Variants in TENM3 observed in about 807,000 individuals in gnomAD.
TENM3 encodes the protein teneurin-3.
In TENM3, 63 loss-of-function variants were observed where a neutral mutation model predicts 255.1. The observed-to-expected ratio is 0.25, with a 90% CI of 0.20 to 0.30. The LOEUF is 0.30. Among genes scored for constraint, TENM3 ranks in the 10% least tolerant of loss-of-function variants. The probability of loss-of-function intolerance (pLI) is 1.00; values close to 1 mark genes in which losing one functional copy is unlikely to be tolerated. For missense variants in TENM3, 2,929 were observed against 3,461.1 expected (o/e 0.85, Z 3.86); for synonymous variants, 1,306 against 1,322.3 (o/e 0.99, Z 0.27).
In TENM3 at chr4:182,680,653, G is replaced by C. The variant is rs1756097399; in HGVS notation, c.1750G>C (p.Asp584His). ...TGATGTGCCGACTACCCAGTGTATTGACCCACAGTGTGGGGGTCGTGGGAT... is the reference window on the plus strand; with the variant it reads ...TGATGTGCCGACTACCCAGTGTATTCACCCACAGTGTGGGGGTCGTGGGAT... ...ECDVPTTQCI[D>H]PQCGGRGICI... Residue 584 changes from aspartate (D) to histidine (H), a missense_variant, in exon 10 of 28, where the codon GAC (aspartate) becomes CAC (histidine). By Grantham distance (81) the Asp-to-His change is moderately conservative. Coordinates refer to ENST00000511685, the MANE Select transcript of TENM3 (RefSeq NM_001080477.4). 1 of 1,612,086 alleles carries C rather than the reference G, an allele frequency of 6.2e-7. No individual in the cohort carries two copies. Among genetic ancestry groups the C allele is most frequent in the Non-Finnish European group, 8.5e-7 (1 of 1,179,436 alleles).
At chr4:181,904,477 T>A in the TENM3 span, among the ~76,000 whole-genome samples, 1 of 152,212 alleles carries the variant, frequency 6.6e-6, no homozygotes, top group African/African-American at 2.4e-5. Flanking sequence ...AACTAGTATA[T>A]GCCCATACTA....
At chr4:182,356,764 T>C (rs1765569879) in intron 3 of TENM3, among the ~76,000 whole-genome samples, 1 of 151,922 alleles carries the variant, frequency 6.6e-6, no homozygotes, top group African/African-American at 2.4e-5. Flanking sequence ...ATGTGCACAA[T>C]GTGCAGGTTA....
the TENM3 span, among the ~76,000 whole-genome samples, chr4:181,935,616 C>G: frequency 6.6e-6 from 1 of 152,116 alleles, no homozygotes; most frequent in African/African-American, 2.4e-5. Context: ...CAAGAGGTGA[C>G]CTCTCTCTAT....
rs1457989215 is a variant in TENM3 at position 182,590,555 on chromosome 4, A to G, written c.512-10369A>G. ...CCCTGTCTCAAAAAAAAAAAAAAAA[A>G]AAAAAAGAAAAAGAAAAAGGTGGGC... On this transcript the variant is annotated intron_variant, in intron 3 of 27. Coordinates refer to ENST00000511685, the MANE Select transcript of TENM3 (RefSeq NM_001080477.4). Among the ~76,000 whole-genome samples, 127 of 149,320 alleles carry G rather than the reference A, an allele frequency of 8.5e-4. 2 individuals are homozygous for G. The East Asian group carries it at 0.021, about 25-fold the overall frequency.
the TENM3 span, among the ~76,000 whole-genome samples, chr4:181,591,176 T>C: frequency 1.1e-4 from 16 of 152,194 alleles, no homozygotes; most frequent in African/African-American, 3.6e-4. Context: ...CTACAATGCT[T>C]CCTCTATTCA....
chr4:181,474,439 T>C, the TENM3 span, among the ~76,000 whole-genome samples: 1 of 152,114 alleles, frequency 6.6e-6, no homozygotes, highest in Non-Finnish European at 1.5e-5. Context: ...ACTCCAGATA[T>C]GTAAAGAAAG....
At chr4:182,170,345 C>G (rs1752018628) in intron 1 of TENM3, among the ~76,000 whole-genome samples, 1 of 152,066 alleles carries the variant, frequency 6.6e-6, no homozygotes, top group South Asian at 2.1e-4. Context: ...ATGCATTTAG[C>G]TATTGTCTAA....
the TENM3 span, among the ~76,000 whole-genome samples, chr4:181,714,177 T>G: frequency 2.7e-4 from 41 of 152,294 alleles, no homozygotes; most frequent in South Asian, 7.7e-3. Flanking sequence ...GGCTCATGCC[T>G]ATAATCCAAA....
chr4:181,510,617 C>G, the TENM3 span, among the ~76,000 whole-genome samples: 1 of 152,150 alleles, frequency 6.6e-6, no homozygotes. Flanking sequence ...CAGACATCCT[C>G]ATAAACACAA....
chr4:181,672,326 ATTTG>A, the TENM3 span, among the ~76,000 whole-genome samples: 1 of 152,192 alleles, frequency 6.6e-6, no homozygotes, highest in Non-Finnish European at 1.5e-5. Flanking sequence ...TATTTGCTTT[ATTTG>A]TTATTTCTAT....
intron 3 of TENM3, among the ~76,000 whole-genome samples, chr4:182,589,726 A>G (rs2152384236): frequency 6.6e-6 from 1 of 152,188 alleles, no homozygotes. Flanking sequence ...TAATCCCAGC[A>G]CTTTGGGAGG....
chr4:182,615,046 C>CATATATATATATATATATATAT (rs10570169), intron 4 of TENM3, among the ~76,000 whole-genome samples: 1 of 112,058 alleles, frequency 8.9e-6, no homozygotes, highest in African/African-American at 3.1e-5. Flanking sequence ...AAAAAAAATA[C>CATATATATATATATATATATAT]ATATATATAT....
chr4:182,712,370 T>A (rs948815022), intron 12 of TENM3, among the ~76,000 whole-genome samples: 5 of 151,990 alleles, frequency 3.3e-5, no homozygotes, highest in African/African-American at 1.2e-4. Flanking sequence ...AACTCCTACG[T>A]GCAGTCAGTC....
chr4:182,252,134 G>C (rs1758054949), intron 1 of TENM3, among the ~76,000 whole-genome samples: 1 of 151,598 alleles, frequency 6.6e-6, no homozygotes, highest in East Asian at 1.9e-4. Flanking sequence ...AGTGAGTCAA[G>C]ATTACGCCAC....
intron 4 of TENM3, among the ~76,000 whole-genome samples, chr4:182,610,156 T>C (rs907169735): frequency 9.9e-5 from 15 of 152,182 alleles, no homozygotes; most frequent in African/African-American, 3.1e-4. Flanking sequence ...AAAAAACAAA[T>C]AACTGTGATA....
chr4:181,611,952 A>G, the TENM3 span, among the ~76,000 whole-genome samples: 4 of 152,230 alleles, frequency 2.6e-5, no homozygotes, highest in African/African-American at 9.6e-5. Flanking sequence ...CATACATAAT[A>G]TATCTATTTT....
intron 3 of TENM3, among the ~76,000 whole-genome samples, chr4:182,432,212 T>C (rs1354360296): frequency 6.6e-6 from 1 of 152,148 alleles, no homozygotes; most frequent in African/African-American, 2.4e-5. Flanking sequence ...TGCCAAAGAA[T>C]AGATAAAATT....
the TENM3 span, among the ~76,000 whole-genome samples, chr4:182,115,567 T>G: frequency 1.3e-5 from 2 of 152,110 alleles, no homozygotes; most frequent in African/African-American, 4.8e-5. Flanking sequence ...ACAGAGGAAA[T>G]TCTAGGCTAA....
At chr4:182,078,908 T>C in the TENM3 span, among the ~76,000 whole-genome samples, 16 of 152,146 alleles carry the variant, frequency 1.1e-4, no homozygotes, top group Non-Finnish European at 5.9e-5. Flanking sequence ...GTTTACATAT[T>C]CAGGTGCCCA....
Sources: gnomAD v4.1 joint callset for allele counts (sites outside exome capture counted in the v4.1 genomes callset) on GRCh38, gnomAD v4.1.1 for gene constraint, MANE v1.5 for transcripts, NCBI Gene and HGNC (gene_info 2026-07-23, HGNC 2026-07-21) for gene names.